Variants in PACS1 observed in about 807,000 individuals in gnomAD.
PACS1 encodes the protein phosphofurin acidic cluster sorting protein 1, also known as PACS-1.
In PACS1, 24 loss-of-function variants were observed where a neutral mutation model predicts 115.0. That is an observed-to-expected ratio of 0.21 (90% confidence interval 0.15 to 0.29). PACS1 has a LOEUF of 0.29. PACS1 is among the 10% of genes least tolerant of loss of function. PACS1 has a pLI of 1.00. For synonymous variants in PACS1, 453 were observed against 504.5 expected (o/e 0.90, Z 1.37); for missense variants, 838 against 1,251.2 (o/e 0.67, Z 4.98).
At chr11:66,175,270 TG>T (rs1295104711) in intron 1 of PACS1, among the ~76,000 whole-genome samples, 1 of 152,258 alleles carries the variant, frequency 6.6e-6, no homozygotes. Flanking sequence ...TGGGTGCTTC[TG>T]TCTTTTTCTC....
chr11:66,237,891 AAC>A (rs2134746801), intron 19 of PACS1, among the ~76,000 whole-genome samples: 1 of 152,340 alleles, frequency 6.6e-6, no homozygotes, highest in East Asian at 1.9e-4. Flanking sequence ...GACTTCAGCA[AAC>A]ACAGCCTTGC....
intron 10 of PACS1, among the ~76,000 whole-genome samples, chr11:66,223,054 CAAAAAAAAAAA>C (rs71461612): frequency 1.1e-4 from 8 of 75,006 alleles, no homozygotes; most frequent in South Asian, 9.6e-4. Context: ...CCTCGATTTA[CAAAAAAAAAAA>C]AAAAAAAAAA....
Position 66,235,650 on chromosome 11 carries a change from TA to T in PACS1, c.2208-247del. 3.3e-6 allele frequency: 2 copies of T among 606,548 alleles called. No individual in the cohort carries two copies. The highest frequency in any genetic ancestry group is 5.6e-5 in the Admixed American group (2 of 35,484). The allele number at this position is 606,548 out of a possible 1,614,324, so 37.6% of individuals were successfully genotyped here. ...TTCAGTATAAAGCAGCCCATCCTCA[TA>T]GCTGGAACTCAGACGTGGGAAGCAG... On this transcript the variant is annotated intron_variant, in intron 18 of 23. Coordinates refer to ENST00000320580, the MANE Select transcript of PACS1 (RefSeq NM_018026.4). This position sits in a 1 kb window ranked among gnomAD's most constrained non-coding sequence, Gnocchi z 5.6.
At chr11:66,075,912 T>C (rs1308069017) in intron 1 of PACS1, among the ~76,000 whole-genome samples, 1 of 152,056 alleles carries the variant, frequency 6.6e-6, no homozygotes, top group Non-Finnish European at 1.5e-5. Flanking sequence ...TAATTTTTTA[T>C]ATTTTTAGTA....
In PACS1 at chr11:66,132,379, T is replaced by C. The variant is rs568304869; in HGVS notation, c.357-61107T>C. Reference sequence around the variant, plus strand: ...GAGTCAATTAAAACCCTTTCCTTTATAAATTACCCAGTCTCATGTAGTATC... The same window carrying C: ...GAGTCAATTAAAACCCTTTCCTTTACAAATTACCCAGTCTCATGTAGTATC... On this transcript the variant is annotated intron_variant, in intron 1 of 23. Transcript: ENST00000320580. 1.1e-3 allele frequency among the ~76,000 whole-genome samples: 172 copies of C among 152,294 alleles called. 1 individual carries two copies. Among genetic ancestry groups the C allele is most frequent in the Non-Finnish European group, 1.2e-3 (81 of 68,026 alleles).
chr11:66,083,887 G>T (rs1857525347), intron 1 of PACS1: 1 of 152,232 alleles, frequency 6.6e-6, no homozygotes, highest in African/African-American at 2.4e-5. Flanking sequence ...CACCATGTGG[G>T]TTTGGATAAG....
In PACS1 at chr11:66,235,257, G is replaced by T; in HGVS notation, c.2105-44G>T. 6.8e-7 allele frequency: 1 copy of T among 1,466,512 alleles called. No individual in the cohort carries two copies. The allele number at this position is 1,466,512 out of a possible 1,614,324, so 90.8% of individuals were successfully genotyped here. A position where few individuals can be genotyped will look rare whatever the true frequency, so the allele number is the denominator to read the frequency against. ...TCCGAGAGGGTCTGCAGGTTTGCCA[G>T]CTGAAGTCAGTAGGCAGTTAGTGAT... On this transcript the variant is annotated intron_variant, in intron 17 of 23. Transcript: ENST00000320580. The surrounding 1 kb of genome is among the most constrained non-coding windows in gnomAD (Gnocchi z 5.6).
rs766356651 is a variant in PACS1 at position 66,239,246 on chromosome 11, C to G, written c.2398C>G (p.Pro800Ala). 1.2e-6 allele frequency: 2 copies of G among 1,613,612 alleles called. No homozygotes were observed. Among genetic ancestry groups the G allele is most frequent in the Admixed American group, 1.7e-5 (1 of 60,008 alleles). Residue 800 changes from proline to alanine, a missense_variant, in exon 21 of 24, where the codon CCA becomes GCA. By Grantham distance (27) the Pro-to-Ala change is conservative (BLOSUM62 -1). Around this residue, in one of 6 missense-constraint regions of PACS1, gnomAD observed 383 missense variants for 537.0 expected, o/e 0.71. Coordinates refer to ENST00000320580, the MANE Select transcript of PACS1 (RefSeq NM_018026.4). ...CGCCACGGCCACCCCTCCCTCCTCC[C>G]CATCTATGAGCAGCGCCCTGGCCAT... ...RDATATPPSS[P>A]SMSSALAIVG...
At chr11:66,115,370 C>T (rs918125836) in intron 1 of PACS1, among the ~76,000 whole-genome samples, 1 of 152,142 alleles carries the variant, frequency 6.6e-6, no homozygotes, top group African/African-American at 2.4e-5. Context: ...TGAAATCCTG[C>T]TAATACACTA....
intron 1 of PACS1, among the ~76,000 whole-genome samples, chr11:66,162,124 T>G (rs1859503052): frequency 7.7e-6 from 1 of 129,260 alleles, no homozygotes; most frequent in Non-Finnish European, 1.6e-5. Context: ...TTTTTTTTTT[T>G]TTTTTTTTTT....
intron 1 of PACS1, among the ~76,000 whole-genome samples, chr11:66,075,886 C>T (rs796280881): frequency 1.2e-4 from 18 of 151,996 alleles, no homozygotes; most frequent in African/African-American, 4.3e-4. Flanking sequence ...TGCAGGTGCC[C>T]GCCACCACGC....
chr11:66,126,039 CAAAA>C lies in PACS1; in HGVS notation c.356+55213_356+55216del, dbSNP rs140207931. Among the ~76,000 whole-genome samples the C allele has an allele frequency of 1.5e-3, 192 of 126,948 alleles. 3 individuals carry two copies. In the Middle Eastern group the frequency reaches 0.024, roughly 16 times the overall value. 83.3% of individuals were successfully genotyped at this position (126,948 alleles called of 152,430 possible). On this transcript the variant is annotated intron_variant, in intron 1 of 23. Coordinates refer to ENST00000320580, the MANE Select transcript of PACS1 (RefSeq NM_018026.4). Reference sequence around the variant, plus strand: ...TGGGTGACAGAGCAAGACTCTGCCTCAAAAAAAAAAAAAAAAAAATGTGGGCAAC... The same window carrying C: ...TGGGTGACAGAGCAAGACTCTGCCTCAAAAAAAAAAAAAAATGTGGGCAAC...
intron 1 of PACS1, among the ~76,000 whole-genome samples, chr11:66,093,321 C>T (rs1411605393): frequency 2.0e-5 from 3 of 151,238 alleles, no homozygotes; most frequent in African/African-American, 7.3e-5. Flanking sequence ...CAGAGACACA[C>T]ATAGGCTCAA....
intron 1 of PACS1, among the ~76,000 whole-genome samples, chr11:66,111,006 A>G (rs1163713160): frequency 6.6e-6 from 1 of 152,224 alleles, no homozygotes; most frequent in Non-Finnish European, 1.5e-5. Flanking sequence ...AGAGGTATAT[A>G]TACAGGGTCA....
chr11:66,126,459 G>C (rs1858573507), intron 1 of PACS1, among the ~76,000 whole-genome samples: 1 of 152,122 alleles, frequency 6.6e-6, no homozygotes, highest in Admixed American at 6.6e-5. Flanking sequence ...ATCAGCTATT[G>C]AACTGGGAAA....
At chr11:66,227,369 TAAGAAAAAAGCCCTGAAG>T (rs1855488442) in intron 10 of PACS1, 117 bp from the exon 11 acceptor site, 1 of 603,364 alleles carries the variant, frequency 1.7e-6, no homozygotes, top group Non-Finnish European at 3.0e-6. Context: ...CCGGCCCACA[TAAGAAAAAAGCCCTGAAG>T]ATTTTATGAG....
At chr11:66,201,884 C>G (rs1659185258) in intron 2 of PACS1, among the ~76,000 whole-genome samples, 1 of 151,980 alleles carries the variant, frequency 6.6e-6, no homozygotes, top group Non-Finnish European at 1.5e-5. Context: ...GTCTTGAACT[C>G]CCAGCCTCAG....
intron 2 of PACS1, among the ~76,000 whole-genome samples, chr11:66,200,931 A>G (rs1456680055): frequency 2.0e-5 from 3 of 152,048 alleles, no homozygotes; most frequent in African/African-American, 7.2e-5. Flanking sequence ...AAAAAAAAAA[A>G]AAGTTGAGGC....
intron 2 of PACS1, among the ~76,000 whole-genome samples, chr11:66,201,269 G>T (rs995676521): frequency 6.6e-6 from 1 of 151,894 alleles, no homozygotes; most frequent in Non-Finnish European, 1.5e-5. Flanking sequence ...GACCATAATG[G>T]AATAAAACTA....
Sources: gnomAD v4.1 joint callset for allele counts (sites outside exome capture counted in the v4.1 genomes callset) on GRCh38, gnomAD v4.1.1 for gene constraint, gnomAD v4.1.1 regional missense constraint, Gnocchi (gnomAD v3.1) non-coding constraint, MANE v1.5 for transcripts, NCBI Gene and HGNC (gene_info 2026-07-23, HGNC 2026-07-21) for gene names.